Variants in DLC1 observed in about 807,000 individuals in gnomAD.
DLC1 encodes DLC1 Rho GTPase activating protein.
A neutral mutation model predicts 140.3 loss-of-function variants in DLC1; 54 were observed. The observed-to-expected ratio is 0.38, with a 90% CI of 0.31 to 0.48. DLC1 has a LOEUF of 0.48. Ranked by LOEUF, DLC1 falls within the 20% of genes least tolerant of loss-of-function variation. The pLI, the probability that DLC1 is intolerant of heterozygous loss-of-function variation, is 0.96. For synonymous variants in DLC1, 986 were observed against 728.1 expected (o/e 1.35, Z -5.70); for missense variants, 2,536 against 1,907.0 (o/e 1.33, Z -6.14).
At chr8:13,101,341 C>A (rs377137932) in intron 8 of DLC1, among the ~76,000 whole-genome samples, 10 of 152,294 alleles carry the variant, frequency 6.6e-5, no homozygotes, top group African/African-American at 2.2e-4. Context: ...TCTTTAATTG[C>A]TCATAGAGGA....
At chr8:13,193,522 C>G (rs1026063530) in intron 5 of DLC1, among the ~76,000 whole-genome samples, 8 of 152,168 alleles carry the variant, frequency 5.3e-5, no homozygotes, top group Middle Eastern at 3.2e-3. Flanking sequence ...ATCCCCTACT[C>G]CCTCCCACCA....
intron 5 of DLC1, among the ~76,000 whole-genome samples, chr8:13,218,458 A>C (rs1415298092): frequency 6.6e-6 from 1 of 152,128 alleles, no homozygotes; most frequent in Non-Finnish European, 1.5e-5. Context: ...AAATAATAAG[A>C]GAAAAAATTT....
intron 4 of DLC1, among the ~76,000 whole-genome samples, chr8:13,372,506 C>A (rs1835772332): frequency 6.6e-6 from 1 of 152,152 alleles, no homozygotes; most frequent in South Asian, 2.1e-4. Flanking sequence ...TTCAGAGACG[C>A]CAACACAGTG....
rs1185667826 is a variant in DLC1, at chr8:13,453,426, GTA to G, written c.1023+45621_1023+45622del. ...TGTGTATATATATATATATATATGTGTATATATATATGTATATATATACATAT... is the reference window on the plus strand; with the variant it reads ...TGTGTATATATATATATATATATGTGTATATATATGTATATATATACATAT... On this transcript the variant is annotated intron_variant, in intron 2 of 17. Coordinates refer to ENST00000276297, the MANE Select transcript of DLC1 (RefSeq NM_182643.3). Among the ~76,000 whole-genome samples, 20 of 12,668 alleles carry G rather than the reference GTA, an allele frequency of 1.6e-3. No individual in the cohort carries two copies. The East Asian group carries it at 0.021, about 13-fold the overall frequency. 8.3% of individuals were successfully genotyped at this position (12,668 alleles called of 152,430 possible).
At chr8:13,531,100 T>C (rs1174422983) in intron 1 of DLC1, among the ~76,000 whole-genome samples, 2 of 152,112 alleles carry the variant, frequency 1.3e-5, no homozygotes, top group African/African-American at 2.4e-5. Flanking sequence ...GGGAAGAAGG[T>C]GGCAGCCTAG....
intron 1 of DLC1, among the ~76,000 whole-genome samples, chr8:13,549,936 G>T (rs1334942973): frequency 6.6e-6 from 1 of 152,146 alleles, no homozygotes; most frequent in Non-Finnish European, 1.5e-5. Context: ...GGCAGAAACA[G>T]TTAAATTCAT....
At chr8:13,133,153 G>T in intron 5 of DLC1, 1 of 1,444,620 alleles carries the variant, frequency 6.9e-7, no homozygotes. Context: ...AGAAAGCGGG[G>T]TTTTCTAAAG....
At chr8:13,357,987 C>T (rs1835027840) in intron 4 of DLC1, among the ~76,000 whole-genome samples, 1 of 151,976 alleles carries the variant, frequency 6.6e-6, no homozygotes, top group Non-Finnish European at 1.5e-5. Flanking sequence ...GGTCTTTATT[C>T]ACTTAATTTA....
chr8:13,552,248 T>TTA (rs1803893302), intron 1 of DLC1, among the ~76,000 whole-genome samples: 1 of 146,924 alleles, frequency 6.8e-6, no homozygotes, highest in African/African-American at 2.5e-5. Flanking sequence ...TATACCCCCA[T>TTA]ACCTGTCTAC....
At chr8:13,363,937 T>C (rs796145236) in intron 4 of DLC1, among the ~76,000 whole-genome samples, 8 of 152,336 alleles carry the variant, frequency 5.3e-5, no homozygotes, top group African/African-American at 1.9e-4. Flanking sequence ...CTTAACTCTT[T>C]CTACGCTCTA....
chr8:13,188,437 A>AG (rs1398679590), intron 5 of DLC1, among the ~76,000 whole-genome samples: 1 of 149,370 alleles, frequency 6.7e-6, no homozygotes. Flanking sequence ...AAAAAAAAAA[A>AG]AAAAGAAAAG....
intron 5 of DLC1, among the ~76,000 whole-genome samples, chr8:13,205,739 A>C (rs936011747): frequency 6.6e-6 from 1 of 152,238 alleles, no homozygotes; most frequent in African/African-American, 2.4e-5. Context: ...GCTTGATTTA[A>C]ATGTTTCAAG....
Position 13,099,330 on chromosome 8 carries a change from A to G in DLC1, c.2990+17T>C. 1 of 1,604,970 alleles carries G rather than the reference A, an allele frequency of 6.2e-7. No homozygotes were observed. The highest frequency in any genetic ancestry group is 8.5e-7 in the Non-Finnish European group (1 of 1,175,522). ...CCCCCAGTGCCCCACACCCGGAGGC[A>G]GGAGAAAAGTTCTTACCTGTTGGAC... On this transcript the variant is annotated intron_variant, in intron 9 of 17. Coordinates refer to ENST00000276297, the MANE Select transcript of DLC1 (RefSeq NM_182643.3).
chr8:13,466,175 C>A (rs1057111508), intron 2 of DLC1, among the ~76,000 whole-genome samples: 14 of 152,154 alleles, frequency 9.2e-5, no homozygotes, highest in Non-Finnish European at 1.8e-4. Context: ...CCATGGGAAT[C>A]CTGCTTAGGT....
chr8:13,495,090 T>C (rs1374043983), intron 2 of DLC1, among the ~76,000 whole-genome samples: 1 of 152,228 alleles, frequency 6.6e-6, no homozygotes. Context: ...TTTGCATCTT[T>C]TTTGGAGTTT....
At chr8:13,265,669 C>T (rs1830656089) in intron 5 of DLC1, among the ~76,000 whole-genome samples, 1 of 151,366 alleles carries the variant, frequency 6.6e-6, no homozygotes, top group Non-Finnish European at 1.5e-5. Flanking sequence ...TTTTTTCCTT[C>T]CCTTCTTCCT....
At chr8:13,116,358 G>A in intron 5 of DLC1, 2 of 409,476 alleles carry the variant, frequency 4.9e-6, no homozygotes, top group South Asian at 2.1e-4. Context: ...CTGACACACT[G>A]TGTTAAAACT....
intron 1 of DLC1, among the ~76,000 whole-genome samples, chr8:13,544,235 G>A (rs754226825): frequency 1.3e-5 from 2 of 150,000 alleles, no homozygotes; most frequent in Non-Finnish European, 3.0e-5. Flanking sequence ...CAAATAGGAA[G>A]TAACTTACTA....
chr8:13,544,674 T>A (rs1470083479), intron 1 of DLC1, among the ~76,000 whole-genome samples: 3 of 152,130 alleles, frequency 2.0e-5, no homozygotes, highest in Non-Finnish European at 4.4e-5. Context: ...GATGAAGAAA[T>A]GTAGTCATTA....
Sources: gnomAD v4.1 joint callset for allele counts (sites outside exome capture counted in the v4.1 genomes callset) on GRCh38, gnomAD v4.1.1 for gene constraint, MANE v1.5 for transcripts, NCBI Gene and HGNC (gene_info 2026-07-23, HGNC 2026-07-21) for gene names.